The following ANAPC5 variants were observed in gnomAD, a reference collection of about 807,000 sequenced individuals.
ANAPC5 encodes anaphase-promoting complex subunit 5.
In ANAPC5, 60 loss-of-function variants were observed where a neutral mutation model predicts 91.3. The observed-to-expected ratio is 0.66, with a 90% CI of 0.53 to 0.81. The LOEUF is 0.81. Ranked by LOEUF, ANAPC5 falls within the 40% of genes least tolerant of loss-of-function variation. ANAPC5 has a pLI of 0.00. For missense variants in ANAPC5, 690 were observed against 931.5 expected, an observed-to-expected ratio of 0.74 and a Z score of 3.37; for synonymous variants, 340 against 364.1, an observed-to-expected ratio of 0.93 and a Z score of 0.75.
At position 121,308,517 on chromosome 12, in the gene ANAPC5, A is replaced by G; in HGVS notation, c.2231T>C (p.Leu744Pro). 1 of 1,614,174 alleles carries G rather than the reference A, an allele frequency of 6.2e-7. No homozygotes were observed. Among genetic ancestry groups the G allele is most frequent in the Non-Finnish European group, 8.5e-7 (1 of 1,180,018 alleles). Residue 744 changes from leucine (L) to proline (P), a missense_variant, in exon 17 of 17, where the codon CTG becomes CCG. Leu to Pro is a moderately conservative substitution (Grantham distance 98). This residue lies in a region of ANAPC5 where 317 missense variants were observed against 438.7 expected (regional missense o/e 0.72). Transcript: ENST00000261819. ...TATCAAGGGTACCCCATGAGAGGGC[A>G]GCTCCTGATGCAGCTGCCGGAAGAG... ...AMLFRQLHQE[L>P]PSHGVPLINH... is the part of the protein sequence containing the mutation.
chr12:121,314,315 C>T (rs1184073734), intron 15 of ANAPC5, among the ~76,000 whole-genome samples: 1 of 152,136 alleles, frequency 6.6e-6, no homozygotes, highest in Non-Finnish European at 1.5e-5. Flanking sequence ...ACAAGAACTG[C>T]TTGAACCTGG....
intron 11 of ANAPC5, among the ~76,000 whole-genome samples, chr12:121,323,441 C>T (rs113780227): frequency 2.3e-4 from 35 of 152,236 alleles, no homozygotes; most frequent in Non-Finnish European, 4.6e-4. Flanking sequence ...CCTCCCACCT[C>T]AGCCTCCCTA....
rs1235033940 is a variant in ANAPC5, at chr12:121,309,705, TGC to T, written c.2050_2051del (p.Ala684ArgfsTer12). ...AGTCTTCGTACAGCTTCCTACCTTC[TGC>T]TTTCTTCGGCTGATCGTAGGAAGCT... ...SAASYDQPKK[A>X]EALEAAIENL... On this transcript the variant is annotated frameshift_variant, in exon 16 of 17. Transcript: ENST00000261819. LOFTEE classifies it high-confidence loss of function. 1.2e-6 allele frequency: 2 copies of T among 1,613,664 alleles called. No homozygotes were observed. Among genetic ancestry groups the T allele is most frequent in the Non-Finnish European group, 1.7e-6 (2 of 1,179,786 alleles).
At position 121,320,476 on chromosome 12, in the gene ANAPC5, C is replaced by G; in HGVS notation, c.1441-17G>C. On this transcript the variant is annotated splice_polypyrimidine_tract_variant and intron_variant, in intron 11 of 16. Transcript: ENST00000261819. ...AAAACAGCCCTAAAGTAGAAACACA[C>G]AATTTGATCAGCATAACCTGTGTTG... 6.2e-7 allele frequency: 1 copy of G among 1,611,614 alleles called. No individual in the cohort carries two copies. Among genetic ancestry groups the G allele is most frequent in the East Asian group, 2.2e-5 (1 of 44,868 alleles).
chr12:121,347,775 A>G, intron 2 of ANAPC5, 27 bp downstream of exon 2: 2 of 1,550,040 alleles, frequency 1.3e-6, no homozygotes, highest in Non-Finnish European at 1.8e-6. Flanking sequence ...ACACCTTTTC[A>G]TATATAAAGA....
chr12:121,343,763 C>G (rs1474563964), intron 4 of ANAPC5, among the ~76,000 whole-genome samples: 1 of 152,212 alleles, frequency 6.6e-6, no homozygotes, highest in Non-Finnish European at 1.5e-5. Flanking sequence ...AGCCTAACAG[C>G]CTGCAATGCA....
chr12:121,345,231 T>G (rs189629448), intron 4 of ANAPC5, among the ~76,000 whole-genome samples: 227 of 152,296 alleles, frequency 1.5e-3, no homozygotes, highest in Admixed American at 3.9e-3. Flanking sequence ...TTACAACAGC[T>G]TCCTTAGAGG....
chr12:121,337,210 C>T, intron 6 of ANAPC5, 81 bp downstream of exon 6: 1 of 1,165,752 alleles, frequency 8.6e-7, no homozygotes, highest in Non-Finnish European at 1.3e-6. Flanking sequence ...GAGTAAGACT[C>T]TGTTTCCAAA....
chr12:121,353,584 G>C (rs1376944562), upstream of ANAPC5, among the ~76,000 whole-genome samples: 1 of 152,038 alleles, frequency 6.6e-6, no homozygotes. Context: ...GGGACTACAG[G>C]CATCGGCCAC....
intron 15 of ANAPC5, among the ~76,000 whole-genome samples, chr12:121,310,568 AAAACTAGAAAAC>A (rs1473636076): frequency 6.6e-6 from 1 of 152,050 alleles, no homozygotes. Flanking sequence ...GTCTCAAAAT[AAAACTAGAAAAC>A]ATCTACTTAA....
intron 15 of ANAPC5, among the ~76,000 whole-genome samples, chr12:121,312,834 T>C (rs1233074489): frequency 2.0e-5 from 3 of 151,036 alleles, no homozygotes; most frequent in Non-Finnish European, 2.9e-5. Context: ...GAGCCAAGAC[T>C]GTGCCACTGC....
intron 15 of ANAPC5, among the ~76,000 whole-genome samples, chr12:121,313,318 C>T (rs148813674): frequency 9.2e-4 from 140 of 151,986 alleles, no homozygotes; most frequent in African/African-American, 3.2e-3. Flanking sequence ...AAGAGCTAAA[C>T]TCCATCTCAA....
chr12:121,345,804 C>T, intron 4 of ANAPC5, 35 bp downstream of exon 4: 1 of 1,581,366 alleles, frequency 6.3e-7, no homozygotes, highest in Non-Finnish European at 8.6e-7. Flanking sequence ...TACTATTTCA[C>T]AGGAAAAGGA....
intron 6 of ANAPC5, 64 bp downstream of exon 6, chr12:121,337,227 C>T: frequency 7.3e-7 from 1 of 1,372,952 alleles, no homozygotes; most frequent in Non-Finnish European, 1.0e-6. Context: ...CAAAAACAAA[C>T]AAACAAAAAA....
Position 121,320,375 on chromosome 12 carries a change from G to C in ANAPC5, c.1515+10C>G, listed in dbSNP as rs754683193. The C allele has an allele frequency of 6.2e-7, 1 of 1,612,020 alleles. No homozygotes were observed. The highest frequency in any genetic ancestry group is 1.1e-5 in the South Asian group (1 of 90,864). The stretch of plus-strand genomic sequence containing the variant: ...GAAATAAATCTATTGCCATGCAAAA[G>C]GCAGATTACCTGGGCGTGCTGACTA... On this transcript the variant is annotated intron_variant, in intron 12 of 16. Coordinates refer to ENST00000261819, the MANE Select transcript of ANAPC5 (RefSeq NM_016237.5).
At chr12:121,330,516 G>T in intron 9 of ANAPC5, 67 bp downstream of exon 9, 1 of 1,309,212 alleles carries the variant, frequency 7.6e-7, no homozygotes, top group Non-Finnish European at 1.1e-6. Flanking sequence ...AATGACAGAG[G>T]TGGGCAGAAA....
In ANAPC5 at chr12:121,309,313, G is replaced by A. The variant is rs143014110; in HGVS notation, c.2056+388C>T. ...ACAAAAATTAGCCAGTCTTGGTGGT[G>A]TGCGCCTTTACATATTCAGGAGGCT... On this transcript the variant is annotated intron_variant, in intron 16 of 16. Transcript: ENST00000261819. Among the ~76,000 whole-genome samples the A allele has an allele frequency of 3.5e-4, 53 of 150,626 alleles. 1 individual carries two copies. The East Asian group carries it at 9.1e-3, about 26-fold the overall frequency.
intron 10 of ANAPC5, chr12:121,328,029 C>T (rs565623457): frequency 3.1e-4 from 90 of 291,090 alleles, no homozygotes; most frequent in African/African-American, 1.8e-3. Context: ...CGTTTGCGAT[C>T]GCGGGTAGAT....
intron 15 of ANAPC5, chr12:121,310,080 A>C: frequency 2.6e-6 from 1 of 377,704 alleles, no homozygotes; most frequent in Non-Finnish European, 4.7e-6. Context: ...GGTTATTCAC[A>C]CTATGAAAAG....
Sources: allele counts gnomAD v4.1 joint callset (sites outside exome capture counted in the v4.1 genomes callset), GRCh38; gene constraint gnomAD v4.1.1; regional missense constraint gnomAD v4.1.1; transcripts MANE v1.5; gene names NCBI Gene and HGNC (gene_info 2026-07-23, HGNC 2026-07-21).